The following THOP1 variants were observed in gnomAD, a reference collection of about 807,000 sequenced individuals.
THOP1 encodes the protein thimet oligopeptidase.
THOP1 carries 49 observed loss-of-function variants against 71.8 expected under a neutral mutation model. The observed-to-expected ratio is 0.68, with a 90% CI of 0.54 to 0.87. THOP1 has a LOEUF of 0.87. Ranked by LOEUF, THOP1 falls within the 40% of genes least tolerant of loss-of-function variation. The pLI is 0.00. For missense variants in THOP1, 843 were observed against 975.6 expected (o/e 0.86, Z 1.81); for synonymous variants, 426 against 421.5 (o/e 1.01, Z -0.13).
At position 2,807,028 on chromosome 19, in the gene THOP1, A is replaced by C. The variant is rs1292593110; in HGVS notation, c.862A>C (p.Ser288Arg). The C allele has an allele frequency of 3.1e-6, 5 of 1,611,212 alleles. No individual in the cohort carries two copies. Among genetic ancestry groups the C allele is most frequent in the Non-Finnish European group, 4.2e-6 (5 of 1,179,064 alleles). ...CCTGGAGATGAACATGGCCAAGACCAGCCAGACCGTGGCCACCTTCCTAGG... is the reference window on the plus strand; with the variant it reads ...CCTGGAGATGAACATGGCCAAGACCCGCCAGACCGTGGCCACCTTCCTAGG... ...YVLEMNMAKT[S>R]QTVATFLDEL... Residue 288 changes from serine (S) to arginine (R), a missense_variant, in exon 7 of 13, where the codon AGC (serine) becomes CGC (arginine). By Grantham distance (110) the Ser-to-Arg change is moderately radical (BLOSUM62 -1). Transcript: ENST00000307741.
intron 5 of THOP1, among the ~76,000 whole-genome samples, chr19:2,803,415 A>ACGTGAACTATGCATT (rs1916205642): frequency 6.6e-6 from 1 of 152,192 alleles, no homozygotes; most frequent in Admixed American, 6.5e-5. Context: ...GCCACAGTGA[A>ACGTGAACTATGCATT]CGTGAACTAT....
intron 2 of THOP1, among the ~76,000 whole-genome samples, chr19:2,791,052 T>C (rs1599519045): frequency 6.6e-6 from 1 of 152,110 alleles, no homozygotes; most frequent in African/African-American, 2.4e-5. Flanking sequence ...GGAAGGCGGG[T>C]ATTTGTTTCT....
chr19:2,806,841 C>G, intron 6 of THOP1, 76 bp from the exon 7 acceptor site: 2 of 1,602,926 alleles, frequency 1.2e-6, no homozygotes, highest in Non-Finnish European at 1.7e-6. Context: ...GCCTTTGGCC[C>G]TGGGACAGGG....
At chr19:2,785,811 G>T in intron 1 of THOP1, 133 bp downstream of exon 1, 2 of 780,226 alleles carry the variant, frequency 2.6e-6, no homozygotes, top group African/African-American at 1.8e-5. Flanking sequence ...GGCAGCGGGG[G>T]AGGTGGACGA....
rs533372452 is a variant in THOP1, at chr19:2,801,862, CATCCATGA to C, written c.589+2082_589+2089del. On this transcript the variant is annotated intron_variant, in intron 5 of 12. Coordinates refer to ENST00000307741, the MANE Select transcript of THOP1 (RefSeq NM_003249.5). This position sits in a 1 kb window ranked among gnomAD's most constrained non-coding sequence, Gnocchi z 5.1. The stretch of plus-strand genomic sequence containing the variant: ...TGCCACATTAACCCATCTGTCCCTT[CATCCATGA>C]ATCCATGAATGGATTCATCCATTCC... Among the ~76,000 whole-genome samples, 306 of 152,174 alleles carry C rather than the reference CATCCATGA, an allele frequency of 2.0e-3. 1 individual carries two copies. The highest frequency in any genetic ancestry group is 3.1e-3 in the Non-Finnish European group (209 of 67,968).
chr19:2,792,130 C>G (rs1076447), intron 2 of THOP1, among the ~76,000 whole-genome samples: 50,311 of 152,150 alleles, frequency 0.33, 8,620 homozygotes, highest in East Asian at 0.49. Flanking sequence ...GGTCACTTGT[C>G]TAATCGGTCG....
intron 1 of THOP1, 37 bp downstream of exon 1, chr19:2,785,715 C>G: frequency 7.2e-7 from 1 of 1,390,724 alleles, no homozygotes. Context: ...CGGGCGTCCC[C>G]TGCACCCTCG....
intron 2 of THOP1, 133 bp downstream of exon 2, chr19:2,790,766 C>T: frequency 1.3e-6 from 1 of 772,960 alleles, no homozygotes; most frequent in Non-Finnish European, 1.9e-6. Context: ...CCCCTGAGCA[C>T]AGGGCAGCGC....
intron 1 of THOP1, 131 bp downstream of exon 1, chr19:2,785,809 G>C: frequency 1.2e-6 from 1 of 852,336 alleles, no homozygotes; most frequent in Middle Eastern, 3.1e-4. Context: ...GGGGCAGCGG[G>C]GGAGGTGGAC....
intron 4 of THOP1, among the ~76,000 whole-genome samples, chr19:2,798,029 C>CATTT (rs978538652): frequency 4.6e-5 from 7 of 151,958 alleles, no homozygotes; most frequent in Middle Eastern, 3.2e-3. Flanking sequence ...TTTATTTATG[C>CATTT]ATTTATTTAT....
At chr19:2,806,809 G>A (rs762773667) in intron 6 of THOP1, 108 bp from the exon 7 acceptor site, 2 of 1,572,618 alleles carry the variant, frequency 1.3e-6, no homozygotes, top group Non-Finnish European at 1.7e-6. Context: ...AGGGACCGGA[G>A]GTCAGACGGA....
Position 2,789,441 on chromosome 19 carries a change from C to T in THOP1, c.17-980C>T, listed in dbSNP as rs368318664. On this transcript the variant is annotated intron_variant, in intron 1 of 12. Transcript: ENST00000307741. The stretch of plus-strand genomic sequence containing the variant: ...CATTTACCCGTTTCTCAGAGAGGCC[C>T]TGGTGTGAGTGGCCGGGCCACATAT... Among the ~76,000 whole-genome samples, 24 of 152,356 alleles carry T rather than the reference C, an allele frequency of 1.6e-4. 1 individual carries two copies. In the South Asian group the frequency reaches 2.7e-3, roughly 17 times the overall value.
chr19:2,794,464 G>A (rs532676987), intron 2 of THOP1, among the ~76,000 whole-genome samples: 8 of 152,334 alleles, frequency 5.3e-5, no homozygotes, highest in African/African-American at 7.2e-5. Flanking sequence ...CCTCTGTTTC[G>A]TCGTACCCAG....
At chr19:2,787,537 G>A (rs746413723) in intron 1 of THOP1, among the ~76,000 whole-genome samples, 3 of 152,056 alleles carry the variant, frequency 2.0e-5, no homozygotes, top group Non-Finnish European at 4.4e-5. Context: ...TTTACCCCAC[G>A]GTTTAATGTA....
At chr19:2,809,254 C>T (rs1323369768) in intron 9 of THOP1, among the ~76,000 whole-genome samples, 1 of 151,994 alleles carries the variant, frequency 6.6e-6, no homozygotes, top group African/African-American at 2.4e-5. Context: ...GCTGGTGGCT[C>T]TGTCACCCAC....
chr19:2,786,438 A>G (rs1915743751), intron 1 of THOP1, among the ~76,000 whole-genome samples: 1 of 151,902 alleles, frequency 6.6e-6, no homozygotes, highest in South Asian at 2.1e-4. Context: ...AGGTTTCGCC[A>G]TGTTGCCCAG....
intron 2 of THOP1, among the ~76,000 whole-genome samples, chr19:2,791,819 C>A (rs1436330303): frequency 6.6e-6 from 1 of 152,206 alleles, no homozygotes; most frequent in Non-Finnish European, 1.5e-5. Flanking sequence ...AATTCGGCCC[C>A]AGTGCTCCCC....
intron 6 of THOP1, chr19:2,806,093 C>T (rs1339301995): frequency 2.6e-5 from 4 of 152,544 alleles, no homozygotes; most frequent in Non-Finnish European, 5.9e-5. Context: ...TCAGTCTGCT[C>T]AGATGGGGCG....
intron 5 of THOP1, among the ~76,000 whole-genome samples, chr19:2,800,384 G>T (rs184447828): frequency 6.6e-6 from 1 of 152,108 alleles, no homozygotes; most frequent in Non-Finnish European, 1.5e-5. Context: ...CGGTTTCGCC[G>T]TGTTGGCCAG....
Sources: gnomAD v4.1 joint callset for allele counts (sites outside exome capture counted in the v4.1 genomes callset) on GRCh38, gnomAD v4.1.1 for gene constraint, Gnocchi (gnomAD v3.1) non-coding constraint, MANE v1.5 for transcripts, NCBI Gene and HGNC (gene_info 2026-07-23, HGNC 2026-07-21) for gene names.